CDH18: variants seen among roughly 807,000 people sequenced by gnomAD.
CDH18 encodes the protein cadherin-18.
Under a neutral mutation model 67.9 loss-of-function variants are expected in CDH18, and 31 were observed. The ratio of observed to expected loss-of-function variants is 0.46; its 90% CI spans 0.34 to 0.62. CDH18 has a LOEUF of 0.62. Among genes scored for constraint, CDH18 ranks in the 20% least tolerant of loss-of-function variants. The pLI is 0.01. For synonymous variants in CDH18, 362 were observed against 347.2 expected, an observed-to-expected ratio of 1.04 and a Z score of -0.48; for missense variants, 890 against 975.5, an observed-to-expected ratio of 0.91 and a Z score of 1.17.
chr5:20,304,301 T>G, intron 1 of CDH18: 1 of 1,602,380 alleles, frequency 6.2e-7, no homozygotes, highest in Non-Finnish European at 8.6e-7. Context: ...TGCTGTAGGT[T>G]TTAAATGCAG....
intron 3 of CDH18, among the ~76,000 whole-genome samples, chr5:19,801,626 A>T (rs1777480004): frequency 6.6e-6 from 1 of 152,206 alleles, no homozygotes; most frequent in Non-Finnish European, 1.5e-5. Context: ...TACTTTATTC[A>T]TATTTTTCCC....
At chr5:20,261,601 C>T (rs551954033) in intron 1 of CDH18, among the ~76,000 whole-genome samples, 97 of 152,026 alleles carry the variant, frequency 6.4e-4, no homozygotes, top group African/African-American at 2.3e-3. Flanking sequence ...ATTAGCCAGG[C>T]GTGGTGGCGG....
rs185540111 is a variant in CDH18 at position 20,054,956 on chromosome 5, G to A, written c.-517-62942C>T. On this transcript the variant is annotated intron_variant, in intron 2 of 14. Coordinates refer to the CDH18 transcript ENST00000507958. Reference sequence around the variant, plus strand: ...GAAAAGACAGGCTCCCTTGTAAGAAGCCACAGGTATAGCAGTTCTGGCAAT... The same window carrying A: ...GAAAAGACAGGCTCCCTTGTAAGAAACCACAGGTATAGCAGTTCTGGCAAT... Among the ~76,000 whole-genome samples the A allele has an allele frequency of 6.1e-4, 93 of 152,234 alleles. 2 individuals carry two copies. The East Asian group carries it at 0.015, about 24-fold the overall frequency.
chr5:19,882,321 T>A (rs1249091152), intron 2 of CDH18, among the ~76,000 whole-genome samples: 2 of 152,110 alleles, frequency 1.3e-5, no homozygotes, highest in Non-Finnish European at 2.9e-5. Context: ...TATATAACAT[T>A]TAGGTAGATG....
At chr5:20,154,200 A>G (rs1260440790) in intron 2 of CDH18, among the ~76,000 whole-genome samples, 1 of 152,178 alleles carries the variant, frequency 6.6e-6, no homozygotes, top group Non-Finnish European at 1.5e-5. Flanking sequence ...TATTTAATGG[A>G]TGCTCAAAGT....
intron 1 of CDH18, among the ~76,000 whole-genome samples, chr5:20,327,447 A>G (rs572700759): frequency 3.3e-5 from 5 of 152,142 alleles, no homozygotes; most frequent in Admixed American, 6.5e-5. Context: ...CATCTGCCTC[A>G]TTGCCTACTA....
chr5:20,251,864 G>C (rs185815130), intron 2 of CDH18, among the ~76,000 whole-genome samples: 4 of 152,096 alleles, frequency 2.6e-5, no homozygotes, highest in Non-Finnish European at 5.9e-5. Flanking sequence ...TGCAATACCA[G>C]CACTTGTAAT....
At chr5:20,480,706 T>A (rs931276425) in intron 1 of CDH18, among the ~76,000 whole-genome samples, 1 of 152,114 alleles carries the variant, frequency 6.6e-6, no homozygotes, top group East Asian at 1.9e-4. Context: ...CTGACCAAAG[T>A]ATAGAGTTTT....
chr5:19,515,860 C>T (rs1349918741), intron 10 of CDH18, among the ~76,000 whole-genome samples: 3 of 152,120 alleles, frequency 2.0e-5, no homozygotes, highest in Non-Finnish European at 4.4e-5. Flanking sequence ...TGCCTGATTG[C>T]CCTGGCCAGA....
In CDH18 at chr5:20,156,295, G is replaced by A. The variant is rs541228077; in HGVS notation, c.-518+99149C>T. ...ATACGCTCGTTATGTTTATCACAGC[G>A]CTATTCACAATAGCAAAATCATGGA... is the stretch of plus-strand genomic sequence containing the variant. On this transcript the variant is annotated intron_variant, in intron 2 of 14. Coordinates refer to the CDH18 transcript ENST00000507958. 9.9e-5 allele frequency among the ~76,000 whole-genome samples: 15 copies of A among 152,140 alleles called. No homozygotes were observed. The South Asian group carries it at 1.2e-3, about 13-fold the overall frequency.
intron 2 of CDH18, among the ~76,000 whole-genome samples, chr5:19,967,989 A>C (rs1797628893): frequency 6.8e-6 from 1 of 146,604 alleles, no homozygotes; most frequent in African/African-American, 2.8e-5. Context: ...CAACTTCAGC[A>C]AAGTCTCAGG....
At chr5:19,975,884 T>G (rs1047723114) in intron 2 of CDH18, among the ~76,000 whole-genome samples, 4 of 120,878 alleles carry the variant, frequency 3.3e-5, no homozygotes, top group Non-Finnish European at 6.2e-5. Flanking sequence ...CAAATTTAAG[T>G]GTTAAAAATA....
intron 1 of CDH18, among the ~76,000 whole-genome samples, chr5:20,448,282 C>CTT (rs750043009): frequency 2.9e-4 from 42 of 144,886 alleles, no homozygotes; most frequent in African/African-American, 9.8e-4. Context: ...GCCACATTTT[C>CTT]TTTTTTTTTT....
At chr5:19,705,906 T>C (rs1763886979) in intron 5 of CDH18, among the ~76,000 whole-genome samples, 1 of 152,170 alleles carries the variant, frequency 6.6e-6, no homozygotes, top group African/African-American at 2.4e-5. Context: ...AATTAACTAA[T>C]TGGGTTCTCC....
intron 1 of CDH18, among the ~76,000 whole-genome samples, chr5:20,429,611 G>C (rs1055135954): frequency 2.5e-4 from 38 of 152,140 alleles, no homozygotes; most frequent in African/African-American, 8.5e-4. Context: ...GGGGGCAAAA[G>C]GATGATGAAG....
At chr5:19,634,468 A>C (rs1752830336) in intron 5 of CDH18, among the ~76,000 whole-genome samples, 1 of 152,198 alleles carries the variant, frequency 6.6e-6, no homozygotes, top group East Asian at 1.9e-4. Context: ...TTTGGTCGTA[A>C]GGCTATTATA....
At chr5:19,834,152 A>ATTTTTTTTT (rs36060099) in intron 3 of CDH18, among the ~76,000 whole-genome samples, 1 of 143,686 alleles carries the variant, frequency 7.0e-6, no homozygotes, top group Non-Finnish European at 1.5e-5. Flanking sequence ...TGGTCCTGGG[A>ATTTTTTTTT]TTTTTTTTTT....
At chr5:20,479,872 A>C (rs1752676712) in intron 1 of CDH18, among the ~76,000 whole-genome samples, 1 of 152,204 alleles carries the variant, frequency 6.6e-6, no homozygotes, top group African/African-American at 2.4e-5. Context: ...AAAGAAAGTA[A>C]CCTAAAAGCA....
intron 2 of CDH18, among the ~76,000 whole-genome samples, chr5:20,059,203 A>T (rs1742252364): frequency 2.0e-5 from 3 of 151,662 alleles, no homozygotes; most frequent in South Asian, 4.2e-4. Flanking sequence ...TATTGTGTCT[A>T]TTTGATTCTT....
Sources: gnomAD v4.1 joint callset for allele counts (sites outside exome capture counted in the v4.1 genomes callset) on GRCh38, gnomAD v4.1.1 for gene constraint, MANE v1.5 for transcripts, NCBI Gene and HGNC (gene_info 2026-07-23, HGNC 2026-07-21) for gene names.